The following EYA1 variants were observed in gnomAD, a reference collection of about 807,000 sequenced individuals.
EYA1 encodes the protein EYA transcriptional coactivator and phosphatase 1, also known as protein phosphatase EYA1.
A neutral mutation model predicts 82.0 loss-of-function variants in EYA1; 16 were observed. The ratio of observed to expected loss-of-function variants is 0.20; its 90% CI spans 0.13 to 0.30. The LOEUF (loss-of-function observed/expected upper bound fraction) is 0.30, where lower values mean the gene tolerates loss of function less well. Among genes scored for constraint, EYA1 ranks in the 10% least tolerant of loss-of-function variants. The probability of loss-of-function intolerance (pLI) is 1.00; values close to 1 mark genes in which losing one functional copy is unlikely to be tolerated. For synonymous variants in EYA1, 261 were observed against 264.4 expected, an observed-to-expected ratio of 0.99 and a Z score of 0.12; for missense variants, 633 against 730.7, an observed-to-expected ratio of 0.87 and a Z score of 1.54.
chr8:71,359,782 C>A (rs1264217526), intron 1 of EYA1, among the ~76,000 whole-genome samples: 2 of 151,882 alleles, frequency 1.3e-5, no homozygotes, highest in African/African-American at 4.8e-5. Flanking sequence ...AAGTACTGAG[C>A]TTATCTAAAT....
chr8:71,236,081 C>G (rs561406609), intron 12 of EYA1, among the ~76,000 whole-genome samples: 20 of 152,190 alleles, frequency 1.3e-4, no homozygotes, highest in African/African-American at 4.8e-4. Context: ...CACTCTGTCA[C>G]TCAGGCTGGA....
chr8:71,345,121 T>G (rs1586471831), intron 3 of EYA1, among the ~76,000 whole-genome samples: 3 of 152,156 alleles, frequency 2.0e-5, no homozygotes, highest in Non-Finnish European at 4.4e-5. Flanking sequence ...TTTAAAAATA[T>G]AACATTATTT....
At chr8:71,233,368 T>G (rs547355310) in intron 12 of EYA1, among the ~76,000 whole-genome samples, 1 of 152,078 alleles carries the variant, frequency 6.6e-6, no homozygotes, top group South Asian at 2.1e-4. Flanking sequence ...ATCGAGACCA[T>G]CCTGGCTAAC....
chr8:71,463,619 CTCTCTCTCTCT>C (rs1563640133), intron 2 of EYA1, among the ~76,000 whole-genome samples: 36 of 125,622 alleles, frequency 2.9e-4, no homozygotes, highest in African/African-American at 1.1e-3. Flanking sequence ...CTCTCTCTCT[CTCTCTCTCTCT>C]CTCCCTCCCT....
chr8:71,269,159 G>A (rs1464194567), intron 11 of EYA1, among the ~76,000 whole-genome samples: 2 of 152,150 alleles, frequency 1.3e-5, no homozygotes, highest in Non-Finnish European at 2.9e-5. Context: ...CTCACAGAAG[G>A]TGGTCTATAA....
chr8:71,362,164 T>TC, upstream of EYA1: 25 of 976,390 alleles, frequency 2.6e-5, no homozygotes, highest in Non-Finnish European at 3.0e-5. Flanking sequence ...TCTTTTTTTT[T>TC]TTTTTTTTTT....
At chr8:71,397,857 T>C (rs1369407311) in intron 2 of EYA1, among the ~76,000 whole-genome samples, 1 of 152,210 alleles carries the variant, frequency 6.6e-6, no homozygotes, top group Non-Finnish European at 1.5e-5. Context: ...TTGTGGAAGT[T>C]CTCCTGGATA....
At chr8:71,507,077 A>G (rs1180472330) in intron 2 of EYA1, among the ~76,000 whole-genome samples, 6 of 152,210 alleles carry the variant, frequency 3.9e-5, no homozygotes, top group Admixed American at 3.9e-4. Context: ...AATAATAACA[A>G]CAATAACAAT....
At chr8:71,404,141 G>T (rs779490311) in intron 2 of EYA1, 4 of 152,130 alleles carry the variant, frequency 2.6e-5, no homozygotes. Context: ...CCCTACTTAG[G>T]AGTATTTTGT....
Position 71,356,487 on chromosome 8 carries a change from C to T in EYA1, c.-30G>A, listed in dbSNP as rs771662405. 8.8e-6 allele frequency: 14 copies of T among 1,583,392 alleles called. No homozygotes were observed. Among genetic ancestry groups the T allele is most frequent in the Non-Finnish European group, 1.1e-5 (13 of 1,163,718 alleles). ...CTGCAACTTGAGGAAACAGCAACAT[C>T]TGAACTGGCTTGAGATGTTTGCACC... On this transcript the variant is annotated 5_prime_UTR_variant, in exon 2 of 18. Coordinates refer to ENST00000340726, the MANE Select transcript of EYA1 (RefSeq NM_000503.6).
At chr8:71,206,085 CTT>C (rs1209507703) in intron 17 of EYA1, among the ~76,000 whole-genome samples, 1 of 152,054 alleles carries the variant, frequency 6.6e-6, no homozygotes, top group Admixed American at 6.6e-5. Flanking sequence ...AAAGAAGACA[CTT>C]ATATAGTTAT....
At chr8:71,481,706 T>TC (rs1277586478) in intron 2 of EYA1, among the ~76,000 whole-genome samples, 1 of 152,110 alleles carries the variant, frequency 6.6e-6, no homozygotes. Flanking sequence ...CCCCTACTTT[T>TC]CCCGTAGAGC....
At chr8:71,347,389 T>C (rs1277325834) in intron 3 of EYA1, among the ~76,000 whole-genome samples, 1 of 152,122 alleles carries the variant, frequency 6.6e-6, no homozygotes, top group Non-Finnish European at 1.5e-5. Flanking sequence ...GTGGCACGAA[T>C]GTGGCTCACT....
intron 12 of EYA1, among the ~76,000 whole-genome samples, chr8:71,222,933 G>T (rs1361685493): frequency 6.6e-6 from 1 of 152,152 alleles, no homozygotes; most frequent in African/African-American, 2.4e-5. Flanking sequence ...TCTGACCTGT[G>T]CTCTGTGTCC....
intron 2 of EYA1, among the ~76,000 whole-genome samples, chr8:71,412,445 T>C (rs1419574119): frequency 1.3e-5 from 2 of 151,908 alleles, no homozygotes; most frequent in Non-Finnish European, 2.9e-5. Flanking sequence ...GAAATTGTTG[T>C]TCATTTATCT....
rs34340467 is a variant in EYA1 at position 71,494,022 on chromosome 8, C to CAAAAAAAAAAAAAAAAAAA, written c.33+41703_33+41721dup. Among the ~76,000 whole-genome samples, 58 of 41,830 alleles carry CAAAAAAAAAAAAAAAAAAA rather than the reference C, an allele frequency of 1.4e-3. 1 individual carries two copies. Among genetic ancestry groups the CAAAAAAAAAAAAAAAAAAA allele is most frequent in the South Asian group, 1.7e-3 (1 of 604 alleles). The allele number at this position is 41,830 out of a possible 152,430, so 27.4% of individuals were successfully genotyped here. On this transcript the variant is annotated intron_variant, in intron 2 of 18. Coordinates refer to the EYA1 transcript ENST00000643681. ...TGGGCGACAGAGCGAGACTCCGTCT[C>CAAAAAAAAAAAAAAAAAAA]AAAAAAAAAAAAAAAAAAAAAAAGA...
At chr8:71,456,312 C>T (rs945908486) in intron 2 of EYA1, among the ~76,000 whole-genome samples, 9 of 152,094 alleles carry the variant, frequency 5.9e-5, no homozygotes, top group African/African-American at 1.7e-4. Context: ...GAATCAATAT[C>T]GTGAAAATGG....
chr8:71,363,068 G>A (rs1364151120), upstream of EYA1, among the ~76,000 whole-genome samples: 1 of 151,948 alleles, frequency 6.6e-6, no homozygotes, highest in African/African-American at 2.4e-5. Context: ...AAATCTTTAA[G>A]CCCATCGGAT....
intron 6 of EYA1, among the ~76,000 whole-genome samples, chr8:71,319,621 T>A (rs1822310104): frequency 6.6e-6 from 1 of 152,134 alleles, no homozygotes; most frequent in Admixed American, 6.5e-5. Context: ...AAAAACAGAA[T>A]GAATTTGTGT....
Sources: gnomAD v4.1 joint callset for allele counts (sites outside exome capture counted in the v4.1 genomes callset) on GRCh38, gnomAD v4.1.1 for gene constraint, MANE v1.5 for transcripts, NCBI Gene and HGNC (gene_info 2026-07-23, HGNC 2026-07-21) for gene names.